Variants in MACROD2 observed in about 807,000 individuals in gnomAD.
MACROD2 encodes mono-ADP ribosylhydrolase 2.
In MACROD2, 36 loss-of-function variants were observed where a neutral mutation model predicts 70.4. The observed-to-expected ratio is 0.51, with a 90% CI of 0.39 to 0.68. MACROD2 has a LOEUF of 0.68. Ranked by LOEUF, MACROD2 falls within the 30% of genes least tolerant of loss-of-function variation. The probability of loss-of-function intolerance (pLI) is 0.00; values close to 1 mark genes in which losing one functional copy is unlikely to be tolerated. For missense variants in MACROD2, 496 were observed against 538.4 expected, an observed-to-expected ratio of 0.92 and a Z score of 0.78; for synonymous variants, 172 against 178.8, an observed-to-expected ratio of 0.96 and a Z score of 0.30.
At chr20:14,943,095 A>G (rs565861923) in intron 5 of MACROD2, among the ~76,000 whole-genome samples, 13 of 152,304 alleles carry the variant, frequency 8.5e-5, no homozygotes, top group Non-Finnish European at 8.8e-5. Context: ...CATGCTAATC[A>G]CTGATATTCT....
intron 5 of MACROD2, among the ~76,000 whole-genome samples, chr20:14,880,234 A>G (rs1293551008): frequency 3.9e-5 from 6 of 152,190 alleles, no homozygotes; most frequent in Non-Finnish European, 7.3e-5. Flanking sequence ...GAGAGGGAGC[A>G]TGGGAGCTGG....
At chr20:16,000,465 G>A (rs6110863) in intron 15 of MACROD2, among the ~76,000 whole-genome samples, 1,531 of 152,216 alleles carry the variant, frequency 0.01, 18 homozygotes, top group African/African-American at 0.034. Context: ...AGTATTTCAG[G>A]CCATAAGTGG....
chr20:15,893,073 A>C (rs2064913825), intron 10 of MACROD2: 2 of 398,484 alleles, frequency 5.0e-6, no homozygotes, highest in Non-Finnish European at 8.9e-6. Context: ...TTTAATTTTT[A>C]AATTATGTGT....
chr20:14,494,205 G>A (rs1482383707), intron 4 of MACROD2: 6 of 151,874 alleles, frequency 4.0e-5, no homozygotes, highest in African/African-American at 1.5e-4. Flanking sequence ...TTAGAACAGA[G>A]TCCTTTTCAT....
chr20:14,269,619 GA>G (rs1177246381), intron 3 of MACROD2, among the ~76,000 whole-genome samples: 5 of 151,894 alleles, frequency 3.3e-5, no homozygotes, highest in Non-Finnish European at 7.4e-5. Flanking sequence ...AAAATAAGGT[GA>G]AAAAACATCT....
chr20:14,882,834 C>G (rs2073625911), intron 5 of MACROD2, among the ~76,000 whole-genome samples: 1 of 152,062 alleles, frequency 6.6e-6, no homozygotes, highest in Admixed American at 6.6e-5. Flanking sequence ...TAAAATTACT[C>G]TTGGAACTAT....
intron 5 of MACROD2, among the ~76,000 whole-genome samples, chr20:15,077,973 G>A (rs891687134): frequency 6.6e-6 from 1 of 152,088 alleles, no homozygotes; most frequent in Non-Finnish European, 1.5e-5. Flanking sequence ...AGGACTCAAT[G>A]CGGGGAAAGG....
chr20:15,856,565 T>C (rs968353823), intron 8 of MACROD2, among the ~76,000 whole-genome samples: 2 of 152,192 alleles, frequency 1.3e-5, no homozygotes, highest in Non-Finnish European at 2.9e-5. Context: ...ACCTACATTT[T>C]AGTCAAATCT....
intron 13 of MACROD2, among the ~76,000 whole-genome samples, chr20:15,971,002 C>A (rs1007127073): frequency 6.6e-6 from 1 of 152,008 alleles, no homozygotes. Context: ...GAATGAAGCT[C>A]AAAAATATTT....
intron 6 of MACROD2, among the ~76,000 whole-genome samples, chr20:15,408,366 G>A (rs537626690): frequency 2.5e-4 from 38 of 152,286 alleles, no homozygotes; most frequent in African/African-American, 8.2e-4. Context: ...TCTGATAACA[G>A]CTCCCAGCCT....
intron 4 of MACROD2, among the ~76,000 whole-genome samples, chr20:14,636,870 A>C (rs1393245607): frequency 6.6e-6 from 1 of 152,202 alleles, no homozygotes; most frequent in Non-Finnish European, 1.5e-5. Context: ...GGGAATCCAG[A>C]GGAAGCAAAA....
intron 6 of MACROD2, among the ~76,000 whole-genome samples, chr20:15,355,267 A>G (rs770977335): frequency 1.3e-5 from 2 of 152,226 alleles, no homozygotes; most frequent in Non-Finnish European, 2.9e-5. Flanking sequence ...CCAACTGGCT[A>G]TAAATATCGA....
intron 5 of MACROD2, among the ~76,000 whole-genome samples, chr20:15,076,778 A>G (rs1425409402): frequency 1.3e-5 from 2 of 152,140 alleles, no homozygotes; most frequent in African/African-American, 4.8e-5. Context: ...TCTTGATCTA[A>G]TATCCATACA....
In MACROD2 at chr20:15,937,523, G is replaced by T. The variant is rs1293947319; in HGVS notation, c.886G>T (p.Val296Phe). ...GCCCGGCCCTGCTTCAGAAGAGGCA[G>T]TTGAAGACTGTAAAGATGAAGGTAT... Reference protein sequence around the residue: ...TVPGPASEEAVEDCKDEDFAK... With the variant: ...TVPGPASEEAFEDCKDEDFAK... The change falls in exon 12 of 18, where the codon GTT (valine) becomes TTT (phenylalanine). Residue 296 changes from valine (V) to phenylalanine (F), a missense_variant. Physicochemically the swap from Val to Phe is conservative, Grantham distance 50. Coordinates refer to ENST00000684519, the MANE Select transcript of MACROD2 (RefSeq NM_001351661.2). The T allele has an allele frequency of 2.5e-6, 4 of 1,613,250 alleles. No individual in the cohort carries two copies. In the African/African-American group the frequency reaches 5.3e-5, roughly 22 times the overall value.
chr20:14,980,619 A>G (rs1466870979), intron 5 of MACROD2, among the ~76,000 whole-genome samples: 1 of 152,170 alleles, frequency 6.6e-6, no homozygotes, highest in Non-Finnish European at 1.5e-5. Flanking sequence ...AAATACTACT[A>G]ATCATTAAGG....
chr20:15,933,491 C>T (rs902887523), intron 11 of MACROD2, 153 bp downstream of exon 11: 9 of 597,776 alleles, frequency 1.5e-5, no homozygotes, highest in South Asian at 2.0e-5. Context: ...CCACCATCTC[C>T]GATAACTATG....
rs535518931 is a variant in MACROD2 at position 15,440,807 on chromosome 20, G to A, written c.571+9372G>A. Among the ~76,000 whole-genome samples, 65 of 152,090 alleles carry A rather than the reference G, an allele frequency of 4.3e-4. No homozygotes were observed. The South Asian group carries it at 4.4e-3, about 10-fold the overall frequency. On this transcript the variant is annotated intron_variant, in intron 7 of 17. Transcript: ENST00000684519. ...CCTAATGGCTCTCCTCCTTCCTTTG[G>A]CTTTTTTCTCTTCCCTTTGATATTT...
chr20:14,190,748 C>T (rs1364497230), intron 3 of MACROD2, among the ~76,000 whole-genome samples: 1 of 112,198 alleles, frequency 8.9e-6, no homozygotes, highest in East Asian at 3.1e-4. Flanking sequence ...TGTTCTGTCA[C>T]CCAGGCTGGA....
intron 6 of MACROD2, among the ~76,000 whole-genome samples, chr20:15,335,775 A>G (rs2078041738): frequency 6.6e-6 from 1 of 151,668 alleles, no homozygotes. Flanking sequence ...ATACACACAC[A>G]TATTTAGCAG....
Sources: gnomAD v4.1 joint callset for allele counts (sites outside exome capture counted in the v4.1 genomes callset) on GRCh38, gnomAD v4.1.1 for gene constraint, MANE v1.5 for transcripts, NCBI Gene and HGNC (gene_info 2026-07-23, HGNC 2026-07-21) for gene names.